Variants in RSPH14 observed in about 807,000 individuals in gnomAD.
RSPH14 encodes rhabdoid tumor deletion region gene 1.
In RSPH14, 20 loss-of-function variants were observed where a neutral mutation model predicts 26.7. That is an observed-to-expected ratio of 0.75 (90% CI 0.53 to 1.09). The LOEUF (loss-of-function observed/expected upper bound fraction) is 1.09. Among genes scored for constraint, RSPH14 ranks in the 50% least tolerant of loss-of-function variants. The probability of loss-of-function intolerance (pLI) is 0.00; values close to 1 mark genes in which losing one functional copy is unlikely to be tolerated. For missense variants in RSPH14, 449 were observed against 457.2 expected (o/e 0.98, Z 0.16); for synonymous variants, 177 against 189.3 (o/e 0.93, Z 0.53).
the RSPH14 span, among the ~76,000 whole-genome samples, chr22:23,171,384 T>G: frequency 2.0e-5 from 3 of 152,126 alleles, no homozygotes; most frequent in Non-Finnish European, 2.9e-5. Flanking sequence ...ACAGGCATAG[T>G]GCACTAAAGC....
At chr22:23,080,303 G>A (rs1009423098) in intron 4 of RSPH14, among the ~76,000 whole-genome samples, 44 of 152,212 alleles carry the variant, frequency 2.9e-4, no homozygotes, top group African/African-American at 9.9e-4. Context: ...CAGGACAGGT[G>A]GCTGAGGGTG....
chr22:23,151,932 G>T, the RSPH14 span, among the ~76,000 whole-genome samples: 1,159 of 152,322 alleles, frequency 7.6e-3, 33 homozygotes, highest in Admixed American at 0.045. Context: ...ATCTCTAAGT[G>T]AGCAGGGCAC....
chr22:23,073,801 C>G (rs1380977914), intron 4 of RSPH14, among the ~76,000 whole-genome samples: 1 of 152,180 alleles, frequency 6.6e-6, no homozygotes, highest in East Asian at 1.9e-4. Context: ...GTGCCAGGTG[C>G]AGGGGTACAG....
intron 4 of RSPH14, chr22:23,124,490 G>A (rs773928497): frequency 1.5e-5 from 6 of 391,882 alleles, no homozygotes; most frequent in African/African-American, 8.6e-5. Context: ...TGTTAATGGT[G>A]GGGTTTTCTG....
intron 4 of RSPH14, among the ~76,000 whole-genome samples, chr22:23,082,135 CAA>C (rs77916701): frequency 0.36 from 49,558 of 137,414 alleles, 9,222 homozygotes; most frequent in African/African-American, 0.51. Context: ...AAAAAAAAAA[CAA>C]AAAAAAAAAA....
At chr22:23,130,454 CA>C (rs1198780299) in intron 4 of RSPH14, among the ~76,000 whole-genome samples, 9 of 41,834 alleles carry the variant, frequency 2.2e-4, no homozygotes, top group Non-Finnish European at 2.3e-4. Context: ...GACTCTGTCT[CA>C]AAAAAAAAAG....
chr22:23,094,151 G>T (rs2069059390), intron 4 of RSPH14, among the ~76,000 whole-genome samples: 1 of 152,196 alleles, frequency 6.6e-6, no homozygotes, highest in Non-Finnish European at 1.5e-5. Flanking sequence ...TATTAAAGGG[G>T]CGAATGCTGC....
intron 4 of RSPH14, among the ~76,000 whole-genome samples, chr22:23,129,438 C>A (rs2070255080): frequency 6.6e-6 from 1 of 152,166 alleles, no homozygotes; most frequent in Non-Finnish European, 1.5e-5. Context: ...TAATGGTGCG[C>A]CCAGTGTTGG....
At chr22:23,108,306 A>G (rs2069543891) in intron 4 of RSPH14, among the ~76,000 whole-genome samples, 1 of 152,242 alleles carries the variant, frequency 6.6e-6, no homozygotes, top group Non-Finnish European at 1.5e-5. Flanking sequence ...GGGCAATGAG[A>G]ACAGGGGCCA....
chr22:23,173,629 G>GTTTT, the RSPH14 span, among the ~76,000 whole-genome samples: 3 of 85,490 alleles, frequency 3.5e-5, no homozygotes, highest in Non-Finnish European at 7.6e-5. Flanking sequence ...TTGGTTTTTT[G>GTTTT]TTTTTTGTTT....
At chr22:23,145,265 C>A, upstream of RSPH14, 5 of 1,139,446 alleles carry the variant, frequency 4.4e-6, no homozygotes, top group Non-Finnish European at 6.3e-6. Context: ...CCCACCCATC[C>A]AGCACCGCCC....
At chr22:23,072,068 G>A (rs1417746749) in intron 4 of RSPH14, among the ~76,000 whole-genome samples, 1 of 152,100 alleles carries the variant, frequency 6.6e-6, no homozygotes, top group East Asian at 1.9e-4. Context: ...GGTGGGCCTG[G>A]AGAAGAGCTA....
chr22:23,139,912 G>T (rs1450749803), intron 2 of RSPH14, among the ~76,000 whole-genome samples: 1 of 152,146 alleles, frequency 6.6e-6, no homozygotes, highest in Non-Finnish European at 1.5e-5. Context: ...ATAATAATAA[G>T]AAATTAGTCA....
upstream of RSPH14, chr22:23,146,643 GC>G (rs944839458): frequency 6.8e-6 from 11 of 1,614,022 alleles, no homozygotes; most frequent in Non-Finnish European, 9.3e-6. Flanking sequence ...CACCTTTGGG[GC>G]CCCCTGTGAG....
intron 4 of RSPH14, among the ~76,000 whole-genome samples, chr22:23,102,868 G>A (rs139744286): frequency 6.6e-6 from 1 of 152,350 alleles, no homozygotes; most frequent in African/African-American, 2.4e-5. Flanking sequence ...GGATGCCCAT[G>A]GTGTTCCTCA....
chr22:23,148,728 A>G (rs1226554593), upstream of RSPH14, among the ~76,000 whole-genome samples: 1 of 152,192 alleles, frequency 6.6e-6, no homozygotes, highest in Non-Finnish European at 1.5e-5. Context: ...TGTCTCTGAA[A>G]TCAGCTCACA....
intron 3 of RSPH14, among the ~76,000 whole-genome samples, chr22:23,134,907 C>T (rs755963398): frequency 6.6e-6 from 1 of 151,794 alleles, no homozygotes; most frequent in Non-Finnish European, 1.5e-5. Context: ...TTCTAGATAG[C>T]TCACACCTAA....
intron 1 of RSPH14, 132 bp from the exon 2 acceptor site, chr22:23,140,604 G>A (rs1178249510): frequency 5.5e-6 from 6 of 1,085,948 alleles, no homozygotes; most frequent in Non-Finnish European, 7.6e-6. Context: ...AACTGAGGCT[G>A]AGAGCAATGA....
chr22:23,128,333 G>A (rs1195885619), intron 4 of RSPH14, among the ~76,000 whole-genome samples: 1 of 152,152 alleles, frequency 6.6e-6, no homozygotes, highest in Non-Finnish European at 1.5e-5. Flanking sequence ...TTCCTGGCCT[G>A]CCAGGCCTCC....
Sources: gnomAD v4.1 joint callset for allele counts (sites outside exome capture counted in the v4.1 genomes callset) on GRCh38, gnomAD v4.1.1 for gene constraint, MANE v1.5 for transcripts, NCBI Gene and HGNC (gene_info 2026-07-23, HGNC 2026-07-21) for gene names.